PDZD2: variants seen among roughly 807,000 people sequenced by gnomAD.
PDZD2 encodes PDZ domain containing 2.
Under a neutral mutation model 220.7 loss-of-function variants are expected in PDZD2, and 90 were observed. The ratio of observed to expected loss-of-function variants is 0.41; its 90% CI spans 0.34 to 0.49. PDZD2 has a LOEUF of 0.49. PDZD2 is among the 20% of genes least tolerant of loss of function. The pLI, the probability that PDZD2 is intolerant of heterozygous loss-of-function variation, is 0.28. For synonymous variants in PDZD2, 1,375 were observed against 1,450.5 expected (o/e 0.95, Z 1.18); for missense variants, 3,174 against 3,608.5 (o/e 0.88, Z 3.08).
At chr5:31,677,794 A>G (rs1019893671) in intron 1 of PDZD2, among the ~76,000 whole-genome samples, 4 of 152,164 alleles carry the variant, frequency 2.6e-5, no homozygotes, top group East Asian at 3.9e-4. Context: ...GCACTTATAT[A>G]TAATAAAATT....
At chr5:31,731,677 T>A (rs1304806523) in intron 1 of PDZD2, among the ~76,000 whole-genome samples, 1 of 152,224 alleles carries the variant, frequency 6.6e-6, no homozygotes, top group Non-Finnish European at 1.5e-5. Context: ...TATCCCAACC[T>A]TCATTTCTTT....
At chr5:32,100,978 CA>C in intron 23 of PDZD2, 126 bp from the exon 24 acceptor site, 1 of 1,598,662 alleles carries the variant, frequency 6.3e-7, no homozygotes, top group Non-Finnish European at 8.6e-7. Context: ...GTAAGTGCCC[CA>C]GGGTAGATGG....
chr5:31,845,071 T>A (rs1184749405), intron 2 of PDZD2, among the ~76,000 whole-genome samples: 2 of 151,952 alleles, frequency 1.3e-5, no homozygotes, highest in Non-Finnish European at 2.9e-5. Flanking sequence ...GAATGGGAGA[T>A]GAGAAGAATT....
intron 2 of PDZD2, among the ~76,000 whole-genome samples, chr5:31,890,052 C>T (rs1373926885): frequency 1.3e-5 from 2 of 150,540 alleles, no homozygotes; most frequent in East Asian, 2.0e-4. Context: ...AACACCCCCC[C>T]ACCCCCACCA....
chr5:31,751,487 T>C (rs912150206), intron 1 of PDZD2, among the ~76,000 whole-genome samples: 1 of 152,052 alleles, frequency 6.6e-6, no homozygotes, highest in Non-Finnish European at 1.5e-5. Flanking sequence ...TGAGGATGGA[T>C]AAGGTGGGGA....
intron 2 of PDZD2, among the ~76,000 whole-genome samples, chr5:31,954,901 C>T (rs1747520958): frequency 6.6e-6 from 1 of 152,088 alleles, no homozygotes; most frequent in African/African-American, 2.4e-5. Flanking sequence ...CGCGCCATTG[C>T]ACTCCAGCCT....
intron 1 of PDZD2, among the ~76,000 whole-genome samples, chr5:31,772,387 G>A (rs1173460834): frequency 6.6e-6 from 1 of 152,146 alleles, no homozygotes; most frequent in African/African-American, 2.4e-5. Flanking sequence ...TAGCCAACAG[G>A]AGAACAACAC....
intron 5 of PDZD2, among the ~76,000 whole-genome samples, chr5:32,005,158 C>T (rs1752704118): frequency 6.6e-6 from 1 of 152,168 alleles, no homozygotes. Flanking sequence ...TCCTTGCTGT[C>T]TTCACACTTG....
chr5:31,795,386 T>C (rs1046845883), intron 1 of PDZD2, among the ~76,000 whole-genome samples: 1 of 152,236 alleles, frequency 6.6e-6, no homozygotes, highest in African/African-American at 2.4e-5. Flanking sequence ...TTATTTTGAA[T>C]GCTAAGGCTA....
At chr5:31,660,799 T>G (rs1425495946) in intron 1 of PDZD2, among the ~76,000 whole-genome samples, 2 of 152,314 alleles carry the variant, frequency 1.3e-5, no homozygotes, top group Non-Finnish European at 1.5e-5. Context: ...TATAGCTCAC[T>G]ACAGCTTTAA....
chr5:31,994,175 G>A (rs370081362), intron 3 of PDZD2, among the ~76,000 whole-genome samples: 20 of 151,430 alleles, frequency 1.3e-4, no homozygotes, highest in African/African-American at 4.6e-4. Context: ...CCACCACCAC[G>A]CCTGGCTAAT....
chr5:32,074,604 G>T lies in PDZD2; in HGVS notation c.3498G>T (p.Val1166=). The T allele has an allele frequency of 1.2e-6, 2 of 1,611,684 alleles. No individual in the cohort carries two copies. Among genetic ancestry groups the T allele is most frequent in the South Asian group, 2.2e-5 (2 of 90,684 alleles). ...GAGTCCAGGCCACTTCTGTCAAAGT[G>T]ACTGTCGCTGGCTTTCAGCCAGGTG... is the stretch of plus-strand genomic sequence containing the variant. ...DSRVQATSVK[V]TVAGFQPGGA... is the part of the protein sequence containing the mutation. Residue 1166 remains valine, a synonymous_variant, in exon 18 of 25, where the codon GTG becomes GTT. Transcript: ENST00000438447.
At chr5:31,846,906 G>A (rs948478661) in intron 2 of PDZD2, among the ~76,000 whole-genome samples, 4 of 152,132 alleles carry the variant, frequency 2.6e-5, no homozygotes, top group South Asian at 2.1e-4. Context: ...TACAGATTTA[G>A]GATAAATTGT....
intron 1 of PDZD2, among the ~76,000 whole-genome samples, chr5:31,645,182 C>T (rs1441322213): frequency 1.3e-5 from 2 of 152,168 alleles, no homozygotes; most frequent in Non-Finnish European, 2.9e-5. Context: ...AAACTTAGCT[C>T]ATTCCAGTTA....
intron 1 of PDZD2, among the ~76,000 whole-genome samples, chr5:31,696,765 T>A (rs1381061844): frequency 1.3e-5 from 2 of 152,214 alleles, no homozygotes. Context: ...CCCTTTCTCC[T>A]CTTTACAATT....
intron 2 of PDZD2, among the ~76,000 whole-genome samples, chr5:31,966,069 G>C (rs147210125): frequency 3.0e-4 from 45 of 152,276 alleles, no homozygotes; most frequent in African/African-American, 9.1e-4. Flanking sequence ...TCATGGTAAG[G>C]GTTTTTGTTT....
chr5:32,033,037 C>T (rs1383119719), intron 6 of PDZD2, among the ~76,000 whole-genome samples: 4 of 152,232 alleles, frequency 2.6e-5, no homozygotes, highest in Non-Finnish European at 2.9e-5. Flanking sequence ...TTTTGTACTA[C>T]ACTTGATGTT....
intron 18 of PDZD2, among the ~76,000 whole-genome samples, chr5:32,075,094 G>T (rs1280765198): frequency 1.3e-5 from 2 of 152,140 alleles, no homozygotes; most frequent in East Asian, 3.8e-4. Context: ...TTACAAGCGT[G>T]AGCCACCGCA....
Position 32,002,696 on chromosome 5 carries a change from ACAC to A in PDZD2, c.1254+2431_1254+2433del, listed in dbSNP as rs1412015003. The stretch of plus-strand genomic sequence containing the variant: ...ACACACACACCAACACACACCACAC[ACAC>A]CACCAACACACACACCCCACACACC... On this transcript the variant is annotated intron_variant, in intron 5 of 24. Coordinates refer to ENST00000438447, the MANE Select transcript of PDZD2 (RefSeq NM_178140.4). 3.1e-3 allele frequency among the ~76,000 whole-genome samples: 401 copies of A among 129,848 alleles called. 1 individual carries two copies. The highest frequency in any genetic ancestry group is 5.2e-3 in the Non-Finnish European group (317 of 60,752). The allele number at this position is 129,848 out of a possible 152,430, so 85.2% of individuals were successfully genotyped here.
Sources: gnomAD v4.1 joint callset for allele counts (sites outside exome capture counted in the v4.1 genomes callset) on GRCh38, gnomAD v4.1.1 for gene constraint, MANE v1.5 for transcripts, NCBI Gene and HGNC (gene_info 2026-07-23, HGNC 2026-07-21) for gene names.